KIAA0825: variants seen among roughly 807,000 people sequenced by gnomAD.
KIAA0825 encodes the protein uncharacterized protein KIAA0825.
KIAA0825 carries 119 observed loss-of-function variants against 147.6 expected under a neutral mutation model. The observed-to-expected ratio is 0.81, with a 90% CI of 0.69 to 0.94. The LOEUF is 0.94. KIAA0825 is among the 40% of genes least tolerant of loss of function. The pLI, the probability that KIAA0825 is intolerant of heterozygous loss-of-function variation, is 0.00. For missense variants in KIAA0825, 1,381 were observed against 1,472.7 expected, an observed-to-expected ratio of 0.94 and a Z score of 1.02; for synonymous variants, 470 against 518.1, an observed-to-expected ratio of 0.91 and a Z score of 1.26.
At chr5:94,230,202 G>GAAGGTA (rs1174231355) in intron 20 of KIAA0825, among the ~76,000 whole-genome samples, 1 of 152,146 alleles carries the variant, frequency 6.6e-6, no homozygotes, top group Non-Finnish European at 1.5e-5. Flanking sequence ...CTCCCACTTG[G>GAAGGTA]AAGGTAAATT....
intron 1 of KIAA0825, among the ~76,000 whole-genome samples, chr5:94,596,951 A>C (rs1785425698): frequency 6.6e-6 from 1 of 152,132 alleles, no homozygotes; most frequent in South Asian, 2.1e-4. Context: ...TGCTGAAGTT[A>C]TTTTATCATC....
At chr5:94,389,577 C>A (rs1041514743) in intron 18 of KIAA0825, among the ~76,000 whole-genome samples, 5 of 152,182 alleles carry the variant, frequency 3.3e-5, no homozygotes, top group African/African-American at 1.2e-4. Flanking sequence ...CCCATTCTTC[C>A]CCTCAGCTAG....
At chr5:94,166,071 G>A (rs59827878) in intron 20 of KIAA0825, among the ~76,000 whole-genome samples, 2,792 of 152,170 alleles carry the variant, frequency 0.018, 91 homozygotes, top group African/African-American at 0.063. Context: ...TCCCCATGAT[G>A]TGCTTATTTC....
intron 20 of KIAA0825, among the ~76,000 whole-genome samples, chr5:94,383,150 T>C (rs1748654549): frequency 1.3e-5 from 2 of 152,190 alleles, no homozygotes; most frequent in African/African-American, 4.8e-5. Context: ...AGGGTACCTC[T>C]GGACTGCTGC....
chr5:94,455,191 C>A (rs540759297), intron 12 of KIAA0825, among the ~76,000 whole-genome samples: 7 of 151,576 alleles, frequency 4.6e-5, no homozygotes, highest in African/African-American at 1.7e-4. Context: ...ACCCCCCAAC[C>A]CCCCGCCAAA....
In KIAA0825 at chr5:94,570,106, T is replaced by C. The variant is rs1326364490; in HGVS notation, c.-2+12327A>G. On this transcript the variant is annotated intron_variant, in intron 2 of 20. Coordinates refer to ENST00000682413, the MANE Select transcript of KIAA0825 (RefSeq NM_001145678.3). ...TCCACTTCATTCTGCCCTTTATTATTACAGCCTTAACAACCCTACACCTTC... is the reference window on the plus strand; with the variant it reads ...TCCACTTCATTCTGCCCTTTATTATCACAGCCTTAACAACCCTACACCTTC... 2.0e-5 allele frequency: 3 copies of C among 152,386 alleles called. No individual in the cohort carries two copies. In the East Asian group the frequency reaches 5.8e-4, roughly 29 times the overall value. The allele number at this position is 152,386 out of a possible 1,614,324, so 9.4% of individuals were successfully genotyped here.
chr5:94,166,504 G>GTTTTTTTTTTTT (rs535152982), intron 20 of KIAA0825, among the ~76,000 whole-genome samples: 8 of 100,778 alleles, frequency 7.9e-5, no homozygotes, highest in Non-Finnish European at 1.4e-4. Flanking sequence ...CCTCTTGGTT[G>GTTTTTTTTTTTT]TTTTTTTTTT....
chr5:94,552,486 T>A (rs1464374494), intron 2 of KIAA0825, among the ~76,000 whole-genome samples: 1 of 152,184 alleles, frequency 6.6e-6, no homozygotes, highest in Non-Finnish European at 1.5e-5. Flanking sequence ...TGGAACATTC[T>A]TCAGGACTGA....
chr5:94,310,381 C>A (rs530465096), intron 20 of KIAA0825, among the ~76,000 whole-genome samples: 1 of 151,710 alleles, frequency 6.6e-6, no homozygotes, highest in South Asian at 2.1e-4. Flanking sequence ...AGACTAAATG[C>A]TTTTTTCTTC....
chr5:94,308,682 A>G (rs576993581), intron 20 of KIAA0825, among the ~76,000 whole-genome samples: 1 of 151,906 alleles, frequency 6.6e-6, no homozygotes, highest in African/African-American at 2.4e-5. Context: ...TCATTCATTC[A>G]TTCATTAAAG....
intron 20 of KIAA0825, among the ~76,000 whole-genome samples, chr5:94,370,233 G>A (rs1746486379): frequency 6.6e-6 from 1 of 152,152 alleles, no homozygotes; most frequent in Admixed American, 6.5e-5. Flanking sequence ...CAAAATTATA[G>A]GGATAGAGAA....
chr5:94,256,565 A>T (rs1229040197), intron 20 of KIAA0825, among the ~76,000 whole-genome samples: 1 of 152,288 alleles, frequency 6.6e-6, no homozygotes. Context: ...TACATAGGCA[A>T]TATAGTTTAA....
At chr5:94,198,286 A>T (rs1200887731) in intron 20 of KIAA0825, among the ~76,000 whole-genome samples, 1 of 152,072 alleles carries the variant, frequency 6.6e-6, no homozygotes, top group East Asian at 1.9e-4. Flanking sequence ...TAGAAATGCT[A>T]CTGATTTTTG....
chr5:94,571,910 A>G (rs971330830), intron 2 of KIAA0825, among the ~76,000 whole-genome samples: 1 of 152,208 alleles, frequency 6.6e-6, no homozygotes, highest in Non-Finnish European at 1.5e-5. Flanking sequence ...GTTTTATACC[A>G]TATGATACAT....
intron 20 of KIAA0825, among the ~76,000 whole-genome samples, chr5:94,264,729 A>T (rs1776662153): frequency 6.6e-6 from 1 of 151,374 alleles, no homozygotes; most frequent in Non-Finnish European, 1.5e-5. Context: ...CTAATTTTGC[A>T]TTCCCTTAGA....
At chr5:94,323,754 A>G (rs1463477062) in intron 20 of KIAA0825, among the ~76,000 whole-genome samples, 1 of 151,872 alleles carries the variant, frequency 6.6e-6, no homozygotes, top group South Asian at 2.1e-4. Flanking sequence ...TTAGAAAGAA[A>G]ATAAGATATT....
chr5:94,176,920 G>C (rs1769156507), intron 20 of KIAA0825, among the ~76,000 whole-genome samples: 1 of 152,048 alleles, frequency 6.6e-6, no homozygotes, highest in Non-Finnish European at 1.5e-5. Context: ...AGTTCTCTCA[G>C]TAAGTAACTA....
At chr5:94,176,599 A>G (rs1769126220) in intron 20 of KIAA0825, among the ~76,000 whole-genome samples, 1 of 152,128 alleles carries the variant, frequency 6.6e-6, no homozygotes, top group Non-Finnish European at 1.5e-5. Flanking sequence ...GAGATACTCA[A>G]GAGGGTCTTA....
At chr5:94,168,875 A>G (rs1444375356) in intron 20 of KIAA0825, among the ~76,000 whole-genome samples, 1 of 152,222 alleles carries the variant, frequency 6.6e-6, no homozygotes, top group African/African-American at 2.4e-5. Flanking sequence ...ACTATGCTCT[A>G]TAGACACTTG....
Sources: gnomAD v4.1 joint callset for allele counts (sites outside exome capture counted in the v4.1 genomes callset) on GRCh38, gnomAD v4.1.1 for gene constraint, MANE v1.5 for transcripts, NCBI Gene and HGNC (gene_info 2026-07-23, HGNC 2026-07-21) for gene names.